The following CNTN4 variants were observed in gnomAD, a reference collection of about 807,000 sequenced individuals.
The protein encoded by CNTN4 is contactin-4.
A neutral mutation model predicts 122.5 loss-of-function variants in CNTN4; 77 were observed. The ratio of observed to expected loss-of-function variants is 0.63; its 90% CI spans 0.52 to 0.76. The LOEUF is 0.76. Ranked by LOEUF, CNTN4 falls within the 30% of genes least tolerant of loss-of-function variation. The pLI is 0.00. For synonymous variants in CNTN4, 512 were observed against 447.0 expected (o/e 1.15, Z -1.83); for missense variants, 1,256 against 1,259.1 (o/e 1.00, Z 0.04).
At chr3:2,181,463 G>A (rs1392143724) in intron 2 of CNTN4, among the ~76,000 whole-genome samples, 1 of 152,046 alleles carries the variant, frequency 6.6e-6, no homozygotes, top group South Asian at 2.1e-4. Flanking sequence ...CAAATACTTA[G>A]TTTATTTTTG....
rs530531748 is a variant in CNTN4 at position 2,601,953 on chromosome 3, A to C, written c.55+30395A>C. Among the ~76,000 whole-genome samples, 5 of 152,288 alleles carry C rather than the reference A, an allele frequency of 3.3e-5. No individual in the cohort carries two copies. In the East Asian group the frequency reaches 9.7e-4, roughly 29 times the overall value. On this transcript the variant is annotated intron_variant, in intron 4 of 24. Transcript: ENST00000418658. ...CTGATTCAACATACGCAAATCAATA[A>C]ACGTAATCCATCATATAAACAGAAC...
intron 13 of CNTN4, among the ~76,000 whole-genome samples, chr3:2,961,852 G>A (rs1207280201): frequency 2.0e-5 from 3 of 152,148 alleles, no homozygotes; most frequent in African/African-American, 7.2e-5. Flanking sequence ...GTGTAGAGGG[G>A]AATTCTTCTA....
chr3:2,227,979 C>G (rs897215171), intron 2 of CNTN4, among the ~76,000 whole-genome samples: 17 of 152,148 alleles, frequency 1.1e-4, no homozygotes, highest in African/African-American at 4.1e-4. Flanking sequence ...TAAAGTATTA[C>G]TGAAAGATCT....
chr3:2,847,668 C>CAG (rs2093477799), intron 7 of CNTN4, among the ~76,000 whole-genome samples: 1 of 152,022 alleles, frequency 6.6e-6, no homozygotes, highest in Non-Finnish European at 1.5e-5. Flanking sequence ...TGTGCTGACA[C>CAG]ATGACTGCCT....
At chr3:2,122,465 T>C (rs1009250003) in intron 2 of CNTN4, among the ~76,000 whole-genome samples, 1 of 152,200 alleles carries the variant, frequency 6.6e-6, no homozygotes, top group African/African-American at 2.4e-5. Context: ...TGTAGCTAAC[T>C]CTTCCCTGCG....
At chr3:2,671,756 C>G (rs190543643) in intron 4 of CNTN4, among the ~76,000 whole-genome samples, 1 of 152,062 alleles carries the variant, frequency 6.6e-6, no homozygotes, top group Non-Finnish European at 1.5e-5. Context: ...TGGTGACATA[C>G]GACATACAGA....
At chr3:2,837,073 A>C (rs921440645) in intron 7 of CNTN4, among the ~76,000 whole-genome samples, 7 of 152,340 alleles carry the variant, frequency 4.6e-5, no homozygotes, top group African/African-American at 1.7e-4. Flanking sequence ...TATTTGTAAT[A>C]TGTTAGAAAA....
intron 4 of CNTN4, among the ~76,000 whole-genome samples, chr3:2,703,183 A>G (rs1206639067): frequency 6.6e-6 from 1 of 152,216 alleles, no homozygotes. Flanking sequence ...ATTTCACAAG[A>G]GCAGAGCAGG....
intron 10 of CNTN4, among the ~76,000 whole-genome samples, chr3:2,895,117 A>C (rs1018181349): frequency 1.3e-5 from 2 of 152,148 alleles, no homozygotes; most frequent in Non-Finnish European, 1.5e-5. Flanking sequence ...CTGGGACTAC[A>C]GACAGGCACC....
At chr3:3,032,850 G>A (rs765990698) in intron 16 of CNTN4, among the ~76,000 whole-genome samples, 5 of 152,248 alleles carry the variant, frequency 3.3e-5, no homozygotes, top group South Asian at 4.1e-4. Context: ...TTTTCATTTT[G>A]AAAGAGGGAG....
chr3:2,787,814 G>C (rs6788224), intron 6 of CNTN4, among the ~76,000 whole-genome samples: 46,724 of 148,430 alleles, frequency 0.31, 7,501 homozygotes, highest in Middle Eastern at 0.33. Context: ...TTTTGAGGCA[G>C]GGTCTTGCTC....
chr3:2,664,385 T>C (rs1343022216), intron 4 of CNTN4, among the ~76,000 whole-genome samples: 1 of 151,724 alleles, frequency 6.6e-6, no homozygotes, highest in Non-Finnish European at 1.5e-5. Context: ...GATGGTCACA[T>C]TCTTAAGGCA....
chr3:2,929,093 C>T (rs1315975376), intron 13 of CNTN4, among the ~76,000 whole-genome samples: 1 of 152,124 alleles, frequency 6.6e-6, no homozygotes, highest in African/African-American at 2.4e-5. Flanking sequence ...CTTGGGTAAG[C>T]AGAATATCCA....
chr3:2,911,649 G>C (rs746836158), intron 12 of CNTN4, among the ~76,000 whole-genome samples: 6 of 152,020 alleles, frequency 3.9e-5, no homozygotes, highest in Non-Finnish European at 7.4e-5. Flanking sequence ...GACGCTCAAG[G>C]AATTAAGAGA....
At chr3:2,216,073 G>A (rs1392322236) in intron 2 of CNTN4, among the ~76,000 whole-genome samples, 1 of 151,938 alleles carries the variant, frequency 6.6e-6, no homozygotes, top group Non-Finnish European at 1.5e-5. Flanking sequence ...CTACCATAAA[G>A]ACACATGCAC....
chr3:2,562,150 A>G (rs1470895625), intron 3 of CNTN4, among the ~76,000 whole-genome samples: 1 of 152,226 alleles, frequency 6.6e-6, no homozygotes, highest in Non-Finnish European at 1.5e-5. Flanking sequence ...TGCTGTTCTA[A>G]TAATAAGGCT....
chr3:2,410,685 C>A (rs1017017961), intron 3 of CNTN4, among the ~76,000 whole-genome samples: 2 of 152,114 alleles, frequency 1.3e-5, no homozygotes, highest in Non-Finnish European at 2.9e-5. Context: ...CACAGAAAAC[C>A]AATTTCAGAT....
At chr3:2,956,342 A>T (rs1043069683) in intron 13 of CNTN4, among the ~76,000 whole-genome samples, 4 of 152,120 alleles carry the variant, frequency 2.6e-5, no homozygotes, top group Non-Finnish European at 5.9e-5. Context: ...GATGATGAAA[A>T]AGTTCTGAAG....
intron 2 of CNTN4, among the ~76,000 whole-genome samples, chr3:2,125,232 T>G (rs1216678144): frequency 2.6e-5 from 4 of 152,180 alleles, no homozygotes; most frequent in African/African-American, 9.7e-5. Context: ...CTTCTGTAAC[T>G]GCCTTATTTC....
Sources: allele counts gnomAD v4.1 joint callset (sites outside exome capture counted in the v4.1 genomes callset), GRCh38; gene constraint gnomAD v4.1.1; transcripts MANE v1.5; gene names NCBI Gene and HGNC (gene_info 2026-07-23, HGNC 2026-07-21).